UQCC1: variants seen among roughly 807,000 people sequenced by gnomAD.
The protein encoded by UQCC1 is ubiquinol-cytochrome c reductase complex assembly factor 1, also known as bFGF-repressed Zic-binding protein.
In UQCC1, 38 loss-of-function variants were observed where a neutral mutation model predicts 48.0. That is an observed-to-expected ratio of 0.79 (90% CI 0.61 to 1.04). The LOEUF (loss-of-function observed/expected upper bound fraction) is 1.04, where lower values mean the gene tolerates loss of function less well. UQCC1 is among the 50% of genes least tolerant of loss of function. The pLI, the probability that UQCC1 is intolerant of heterozygous loss-of-function variation, is 0.00. For missense variants in UQCC1, 368 were observed against 381.8 expected (o/e 0.96, Z 0.30); for synonymous variants, 111 against 129.2 (o/e 0.86, Z 0.95).
At chr20:35,304,144 C>T (rs1432883946) in intron 9 of UQCC1, 75 bp from the exon 10 acceptor site, 5 of 1,595,358 alleles carry the variant, frequency 3.1e-6, no homozygotes, top group Non-Finnish European at 4.3e-6. Context: ...AGGAACCAGC[C>T]TCCCAGAGGA....
chr20:35,391,394 G>A (rs975045034), intron 2 of UQCC1, among the ~76,000 whole-genome samples: 2 of 152,106 alleles, frequency 1.3e-5, no homozygotes, highest in African/African-American at 2.4e-5. Context: ...GGCCCACAGG[G>A]GTGGATCACT....
At chr20:35,392,358 T>C (rs1394891240) in intron 2 of UQCC1, 28 of 1,158,752 alleles carry the variant, frequency 2.4e-5, no homozygotes, top group Non-Finnish European at 3.3e-5. Flanking sequence ...TAAAATTACA[T>C]CTGGTCAGCA....
intron 9 of UQCC1, 119 bp downstream of exon 9, chr20:35,306,547 T>A: frequency 1.3e-6 from 1 of 753,418 alleles, no homozygotes; most frequent in Non-Finnish European, 2.3e-6. Context: ...GCTGATGTGA[T>A]CTGGTCAGAA....
At chr20:35,399,834 C>T (rs138369449) in intron 1 of UQCC1, among the ~76,000 whole-genome samples, 3,484 of 129,816 alleles carry the variant, frequency 0.027, 146 homozygotes, top group African/African-American at 0.095. Flanking sequence ...CTCCAGCCTG[C>T]GTGACAGAGC....
chr20:35,336,364 G>A (rs1435266923), intron 7 of UQCC1, among the ~76,000 whole-genome samples: 5 of 152,224 alleles, frequency 3.3e-5, no homozygotes, highest in Non-Finnish European at 5.9e-5. Flanking sequence ...TTTTGCAGCT[G>A]TGATCAAATT....
chr20:35,307,558 G>A (rs1269543371), intron 8 of UQCC1, among the ~76,000 whole-genome samples: 1 of 152,178 alleles, frequency 6.6e-6, no homozygotes, highest in Non-Finnish European at 1.5e-5. Flanking sequence ...GCTTCCTGGG[G>A]TGAAGGTGGC....
intron 7 of UQCC1, among the ~76,000 whole-genome samples, chr20:35,325,693 A>G (rs545263652): frequency 1.3e-5 from 2 of 152,346 alleles, no homozygotes; most frequent in African/African-American, 4.8e-5. Flanking sequence ...TTGTATGTAC[A>G]AAACGGTAAT....
chr20:35,367,092 T>TTAAAA (rs1249608417), intron 5 of UQCC1, among the ~76,000 whole-genome samples: 1 of 101,794 alleles, frequency 9.8e-6, no homozygotes, highest in Non-Finnish European at 2.0e-5. Context: ...AGACTCTGTC[T>TTAAAA]AAAAAAAAAA....
chr20:35,410,017 G>C (rs1422502893), intron 1 of UQCC1: 3 of 151,888 alleles, frequency 2.0e-5, no homozygotes, highest in African/African-American at 7.3e-5. Context: ...CGTTGGCCAG[G>C]CTGGTCTTGA....
Position 35,374,264 on chromosome 20 carries a change from AAG to A in UQCC1, c.334-10_334-9del, listed in dbSNP as rs758636402. 6.2e-7 allele frequency: 1 copy of A among 1,607,154 alleles called. No individual in the cohort carries two copies. Among genetic ancestry groups the A allele is most frequent in the South Asian group, 1.1e-5 (1 of 89,330 alleles). On this transcript the variant is annotated splice_polypyrimidine_tract_variant and intron_variant, in intron 4 of 9. Transcript: ENST00000374385. Reference sequence around the variant, plus strand: ...GGCCGCAATCTTAATCTTCTAGACAAAGAGAATAAAACCAAACTCAAGACATG... The same window carrying A: ...GGCCGCAATCTTAATCTTCTAGACAAAGAATAAAACCAAACTCAAGACATG...
intron 6 of UQCC1, among the ~76,000 whole-genome samples, chr20:35,348,538 T>C (rs181201487): frequency 8.3e-4 from 126 of 152,160 alleles, no homozygotes; most frequent in East Asian, 3.9e-3. Context: ...TACAGGCGCC[T>C]GCCACCACAC....
intron 6 of UQCC1, among the ~76,000 whole-genome samples, chr20:35,348,541 C>T (rs962951852): frequency 1.2e-4 from 19 of 152,132 alleles, no homozygotes; most frequent in African/African-American, 4.1e-4. Flanking sequence ...AGGCGCCTGC[C>T]ACCACACCCA....
chr20:35,328,580 C>T (rs2061222826), intron 7 of UQCC1, among the ~76,000 whole-genome samples: 1 of 151,642 alleles, frequency 6.6e-6, no homozygotes, highest in Admixed American at 6.5e-5. Flanking sequence ...CCCAAGGTCA[C>T]ATGGCTAGGG....
At chr20:35,387,244 C>T (rs972949385) in intron 2 of UQCC1, among the ~76,000 whole-genome samples, 9 of 151,998 alleles carry the variant, frequency 5.9e-5, no homozygotes, top group African/African-American at 2.2e-4. Context: ...CAAGATCATG[C>T]CACTGCACTC....
chr20:35,309,216 T>G (rs770418959), intron 8 of UQCC1: 18 of 455,456 alleles, frequency 4.0e-5, no homozygotes, highest in South Asian at 1.9e-4. Flanking sequence ...GTGGATCACT[T>G]GAGCCCAGGA....
intron 4 of UQCC1, among the ~76,000 whole-genome samples, chr20:35,376,091 T>A (rs956126385): frequency 2.0e-5 from 3 of 151,816 alleles, no homozygotes; most frequent in African/African-American, 7.3e-5. Flanking sequence ...GAAGATCAAC[T>A]GAGGTCAGGA....
At chr20:35,367,017 C>G (rs1048530877) in intron 5 of UQCC1, among the ~76,000 whole-genome samples, 2 of 147,762 alleles carry the variant, frequency 1.4e-5, no homozygotes, top group South Asian at 2.1e-4. Context: ...TTACTTGAAC[C>G]TGGGAGGCGG....
intron 4 of UQCC1, among the ~76,000 whole-genome samples, chr20:35,379,312 A>ATTTT (rs2061838991): frequency 1.3e-5 from 2 of 152,242 alleles, no homozygotes; most frequent in African/African-American, 4.8e-5. Flanking sequence ...ACATGCAGGT[A>ATTTT]TTTTACTCCC....
chr20:35,312,640 C>T (rs149965293), intron 8 of UQCC1, among the ~76,000 whole-genome samples: 14 of 152,234 alleles, frequency 9.2e-5, no homozygotes, highest in African/African-American at 3.1e-4. Flanking sequence ...TGGAGGTAAC[C>T]ACAAAATCAG....
Sources: allele counts gnomAD v4.1 joint callset (sites outside exome capture counted in the v4.1 genomes callset), GRCh38; gene constraint gnomAD v4.1.1; transcripts MANE v1.5; gene names NCBI Gene and HGNC (gene_info 2026-07-23, HGNC 2026-07-21).